The following COPS4 variants were observed in gnomAD, a reference collection of about 807,000 sequenced individuals.
The protein encoded by COPS4 is COP9 signalosome subunit 4.
In COPS4, 8 loss-of-function variants were observed where a neutral mutation model predicts 55.1. That is an observed-to-expected ratio of 0.15 (90% CI 0.09 to 0.26). The LOEUF is 0.26. Ranked by LOEUF, COPS4 falls within the 10% of genes least tolerant of loss-of-function variation. COPS4 has a pLI of 1.00. For missense variants in COPS4, 248 were observed against 484.0 expected (o/e 0.51, Z 4.58); for synonymous variants, 185 against 165.7 (o/e 1.12, Z -0.90).
chr4:83,044,837 T>G lies in COPS4; in HGVS notation c.75-789T>G, dbSNP rs997130131. Among the ~76,000 whole-genome samples, 5 of 152,294 alleles carry G rather than the reference T, an allele frequency of 3.3e-5. No individual in the cohort carries two copies. The South Asian group carries it at 1.0e-3, about 32-fold the overall frequency. On this transcript the variant is annotated intron_variant, in intron 1 of 9. Transcript: ENST00000264389. ...TAACACTCATATACTAACCACTCGT[T>G]AAGAAATAAAACATTACTAATACCG... is the stretch of plus-strand genomic sequence containing the variant.
rs544915788 is a variant in COPS4, at chr4:83,049,442, C to T, written c.306+125C>T. ...ATTTTTGACAAAACAGTGTGCCAAA[C>T]GACATTTTATGATGCAAAATCAAGT... On this transcript the variant is annotated intron_variant, in intron 3 of 9. Transcript: ENST00000264389. 376 of 795,918 alleles carry T rather than the reference C, an allele frequency of 4.7e-4. 2 individuals are homozygous for T. Among genetic ancestry groups the T allele is most frequent in the Non-Finnish European group, 4.7e-4 (254 of 538,316 alleles). The allele number at this position is 795,918 out of a possible 1,614,324, so 49.3% of individuals were successfully genotyped here.
chr4:83,037,908 A>C (rs1705478817), intron 1 of COPS4, among the ~76,000 whole-genome samples: 1 of 152,202 alleles, frequency 6.6e-6, no homozygotes, highest in African/African-American at 2.4e-5. Context: ...CTCATTTTAA[A>C]CCTACCAGAC....
chr4:83,063,313 A>C, intron 7 of COPS4, 67 bp downstream of exon 7: 1 of 1,039,344 alleles, frequency 9.6e-7, no homozygotes, highest in Non-Finnish European at 1.4e-6. Flanking sequence ...AAATCATGTT[A>C]AATTAGAAGT....
Position 83,057,392 on chromosome 4 carries a change from G to T in COPS4, c.699G>T (p.Thr233=). The T allele has an allele frequency of 6.3e-7, 1 of 1,585,078 alleles. No individual in the cohort carries two copies. The highest frequency in any genetic ancestry group is 8.6e-7 in the Non-Finnish European group (1 of 1,167,968). ...CCTTAAAACATGCTTTGCACTGTAC[G>T]ATCTTAGCATCAGCAGGTAAACACG... ...LEALKHALHC[T]ILASAGQQRS... Residue 233 remains threonine (T), a synonymous_variant, in exon 6 of 10, where the codon ACG becomes ACT. Coordinates refer to ENST00000264389, the MANE Select transcript of COPS4 (RefSeq NM_016129.3).
chr4:83,046,746 T>A (rs1244295806), intron 2 of COPS4, among the ~76,000 whole-genome samples: 1 of 152,218 alleles, frequency 6.6e-6, no homozygotes, highest in Non-Finnish European at 1.5e-5. Context: ...TACAGTGTGT[T>A]CTCACACACA....
intron 1 of COPS4, among the ~76,000 whole-genome samples, chr4:83,041,527 G>A (rs1183856084): frequency 1.3e-5 from 2 of 151,942 alleles, no homozygotes; most frequent in African/African-American, 4.8e-5. Context: ...TCACAGGCTG[G>A]AGTACAGTGG....
chr4:83,047,415 C>T (rs1462514595), intron 2 of COPS4, among the ~76,000 whole-genome samples: 3 of 132,888 alleles, frequency 2.3e-5, no homozygotes, highest in Non-Finnish European at 4.7e-5. Context: ...ATTAGCCTGG[C>T]GTGGTGATGC....
At chr4:83,058,543 A>G (rs1395189311) in intron 6 of COPS4, among the ~76,000 whole-genome samples, 1 of 152,108 alleles carries the variant, frequency 6.6e-6, no homozygotes, top group Non-Finnish European at 1.5e-5. Flanking sequence ...TAGACTAGTT[A>G]TCTTATTTAT....
intron 9 of COPS4, among the ~76,000 whole-genome samples, chr4:83,070,194 C>T (rs879662012): frequency 5.3e-5 from 8 of 152,154 alleles, no homozygotes; most frequent in Admixed American, 3.9e-4. Context: ...TCTGTAGTAC[C>T]TTTAAGTTTA....
intron 3 of COPS4, 101 bp downstream of exon 3, chr4:83,049,418 T>C (rs1176773711): frequency 1.8e-6 from 2 of 1,117,044 alleles, no homozygotes; most frequent in East Asian, 5.6e-5. Context: ...TCCAATTTCA[T>C]TTTTGACAAA....
intron 1 of COPS4, 170 bp downstream of exon 1, chr4:83,035,468 C>T: frequency 2.2e-6 from 1 of 447,336 alleles, no homozygotes; most frequent in Non-Finnish European, 4.3e-6. Context: ...AAGCAGAAAG[C>T]TGGAGGGGAC....
intron 1 of COPS4, among the ~76,000 whole-genome samples, chr4:83,044,517 C>T (rs1158236300): frequency 6.6e-6 from 1 of 151,216 alleles, no homozygotes; most frequent in East Asian, 2.0e-4. Context: ...GTGGCTAACG[C>T]CTGTAATCCC....
intron 1 of COPS4, among the ~76,000 whole-genome samples, chr4:83,039,719 C>T (rs1174964119): frequency 2.6e-5 from 4 of 152,194 alleles, no homozygotes; most frequent in Admixed American, 6.5e-5. Context: ...ACAGCCTTAA[C>T]ATGCTTGGCT....
At chr4:83,039,873 G>A (rs1730515007) in intron 1 of COPS4, among the ~76,000 whole-genome samples, 1 of 152,160 alleles carries the variant, frequency 6.6e-6, no homozygotes, top group African/African-American at 2.4e-5. Flanking sequence ...CTGGGCTCAA[G>A]GGATTCTCCT....
intron 6 of COPS4, among the ~76,000 whole-genome samples, chr4:83,061,838 A>AGTTACGTCTTTTTGACATGGCCC (rs1731170509): frequency 6.6e-6 from 1 of 152,166 alleles, no homozygotes; most frequent in Non-Finnish European, 1.5e-5. Flanking sequence ...GTGCCTGGCC[A>AGTTACGTCTTTTTGACATGGCCC]GTTACGTCTT....
chr4:83,036,107 G>C (rs1578699002), intron 1 of COPS4: 1 of 152,144 alleles, frequency 6.6e-6, no homozygotes, highest in African/African-American at 2.4e-5. Context: ...CATGCTTTCT[G>C]TTTAAAGTAT....
chr4:83,074,285 C>T (rs765866198), intron 9 of COPS4, among the ~76,000 whole-genome samples: 4 of 151,900 alleles, frequency 2.6e-5, no homozygotes, highest in African/African-American at 7.3e-5. Flanking sequence ...TTGGGTTAGT[C>T]GGTTTTATTT....
chr4:83,058,608 T>G (rs1731074461), intron 6 of COPS4, among the ~76,000 whole-genome samples: 1 of 152,244 alleles, frequency 6.6e-6, no homozygotes, highest in South Asian at 2.1e-4. Context: ...CTTCTTTTTC[T>G]AAAGAACTTT....
chr4:83,064,995 C>T, intron 7 of COPS4: 2 of 545,820 alleles, frequency 3.7e-6, no homozygotes, highest in Admixed American at 2.4e-5. Context: ...ATCCTTCTAC[C>T]TCCACCTCCC....
Sources: allele counts gnomAD v4.1 joint callset (sites outside exome capture counted in the v4.1 genomes callset), GRCh38; gene constraint gnomAD v4.1.1; transcripts MANE v1.5; gene names NCBI Gene and HGNC (gene_info 2026-07-23, HGNC 2026-07-21).